The following KDM2A variants were observed in gnomAD, a reference collection of about 807,000 sequenced individuals.
KDM2A encodes lysine-specific demethylase 2A.
KDM2A carries 3 observed loss-of-function variants against 137.3 expected under a neutral mutation model. The observed-to-expected ratio is 0.02, with a 90% CI of 0.01 to 0.06. The LOEUF (loss-of-function observed/expected upper bound fraction) is 0.06. Ranked by LOEUF, KDM2A falls within the 10% of genes least tolerant of loss-of-function variation. KDM2A has a pLI of 1.00. For missense variants in KDM2A, 738 were observed against 1,510.6 expected (o/e 0.49, Z 8.48); for synonymous variants, 512 against 541.5 (o/e 0.95, Z 0.76).
chr11:67,168,674 G>C, intron 2 of KDM2A, among the ~76,000 whole-genome samples: 1 of 145,746 alleles, frequency 6.9e-6, no homozygotes, highest in Non-Finnish European at 1.5e-5. Context: ...CGGTCGGGGG[G>C]ATAGACAGCA....
At chr11:67,124,324 T>TA (rs1388002886) in intron 2 of KDM2A, among the ~76,000 whole-genome samples, 30 of 150,928 alleles carry the variant, frequency 2.0e-4, no homozygotes, top group African/African-American at 7.3e-4. Flanking sequence ...TTTATATATA[T>TA]TTTTTGAAAT....
At position 67,149,744 on chromosome 11, in the gene KDM2A, G is replaced by C. The variant is rs1856341848; in HGVS notation, c.42+28386G>C. 2.2e-5 allele frequency among the ~76,000 whole-genome samples: 3 copies of C among 136,178 alleles called. No homozygotes were observed. In the Admixed American group the frequency reaches 2.2e-4, roughly 10 times the overall value. The allele number at this position is 136,178 out of a possible 152,430, so 89.3% of individuals were successfully genotyped here. On this transcript the variant is annotated intron_variant, in intron 2 of 20. Transcript: ENST00000529006. ...AATCTTTTTTTTTTTTTTTTTGACAGTGTTTTCTCTTTTTTGCCTAGGCTG... is the reference window on the plus strand; with the variant it reads ...AATCTTTTTTTTTTTTTTTTTGACACTGTTTTCTCTTTTTTGCCTAGGCTG...
At chr11:67,226,075 AAAAT>A (rs1258536013) in intron 10 of KDM2A, among the ~76,000 whole-genome samples, 2 of 151,688 alleles carry the variant, frequency 1.3e-5, no homozygotes, top group South Asian at 2.1e-4. Context: ...AAAAAGAGTA[AAAAT>A]AAATAAATAA....
Position 67,255,125 on chromosome 11 carries a change from C to T in KDM2A, c.*70C>T, listed in dbSNP as rs1045751556. 1.2e-5 allele frequency: 17 copies of T among 1,387,358 alleles called. No homozygotes were observed. The African/African-American group carries it at 1.7e-4, about 14-fold the overall frequency. 85.9% of individuals were successfully genotyped at this position (1,387,358 alleles called of 1,614,324 possible). On this transcript the variant is annotated 3_prime_UTR_variant, in exon 21 of 21. Coordinates refer to ENST00000529006, the MANE Select transcript of KDM2A (RefSeq NM_012308.3). ...CTCCCCACCGAGGAGAGCCTCTCCT[C>T]GACCCTGCACGGGCTCTGAGGCCAG... is the stretch of plus-strand genomic sequence containing the variant.
At chr11:67,209,631 A>T (rs893256342) in intron 6 of KDM2A, among the ~76,000 whole-genome samples, 9 of 151,900 alleles carry the variant, frequency 5.9e-5, no homozygotes, top group African/African-American at 2.2e-4. Flanking sequence ...TTTAGTAGAG[A>T]TGGGGTTTCA....
chr11:67,246,726 C>G (rs544484318), intron 15 of KDM2A, among the ~76,000 whole-genome samples: 1 of 152,156 alleles, frequency 6.6e-6, no homozygotes, highest in South Asian at 2.1e-4. Context: ...TAGAAAGTAT[C>G]AGCTAAAATC....
intron 5 of KDM2A, among the ~76,000 whole-genome samples, chr11:67,191,792 C>G (rs1857360758): frequency 6.6e-6 from 1 of 152,180 alleles, no homozygotes. Flanking sequence ...AAGGCGCCTG[C>G]TTTTACTGCC....
intron 2 of KDM2A, among the ~76,000 whole-genome samples, chr11:67,128,233 G>A (rs1442973939): frequency 2.0e-5 from 3 of 151,944 alleles, no homozygotes; most frequent in Admixed American, 2.0e-4. Context: ...GAACTCCTGG[G>A]CTTAAGTGAT....
At chr11:67,221,174 C>T (rs1382438113) in intron 10 of KDM2A, among the ~76,000 whole-genome samples, 3 of 152,114 alleles carry the variant, frequency 2.0e-5, no homozygotes, top group African/African-American at 7.2e-5. Context: ...AGGGCTGAAT[C>T]ATATATGAAA....
chr11:67,192,706 A>G (rs1181685969), intron 5 of KDM2A, among the ~76,000 whole-genome samples: 2 of 151,742 alleles, frequency 1.3e-5, no homozygotes, highest in Admixed American at 1.3e-4. Context: ...TGGCCTCCCA[A>G]AGTGCTAGGA....
At chr11:67,147,824 C>T (rs1038484136) in intron 2 of KDM2A, among the ~76,000 whole-genome samples, 1 of 151,710 alleles carries the variant, frequency 6.6e-6, no homozygotes, top group Non-Finnish European at 1.5e-5. Context: ...ATTACAGGCG[C>T]CTGCCACCAC....
intron 5 of KDM2A, among the ~76,000 whole-genome samples, chr11:67,188,251 G>C (rs1857256195): frequency 6.6e-6 from 1 of 151,940 alleles, no homozygotes; most frequent in African/African-American, 2.4e-5. Flanking sequence ...GGGAGGCCGA[G>C]GCAGGCAGAT....
rs1855549882 is a variant in KDM2A, at chr11:67,119,584, C to T, written c.-549C>T. 6.6e-6 allele frequency: 1 copy of T among 150,478 alleles called. No individual in the cohort carries two copies. The highest frequency in any genetic ancestry group is 6.6e-5 in the Admixed American group (1 of 15,122). 9.3% of individuals were successfully genotyped at this position (150,478 alleles called of 1,614,324 possible). ...CCCCATCCCGGCGCGCCGCGCCGCT[C>T]CCGCCCTGTCCGCCCCCCGGGGCCG... On this transcript the variant is annotated 5_prime_UTR_variant, in exon 1 of 21. Coordinates refer to ENST00000529006, the MANE Select transcript of KDM2A (RefSeq NM_012308.3).
chr11:67,220,466 C>T (rs1009090270), intron 10 of KDM2A, among the ~76,000 whole-genome samples: 1 of 152,128 alleles, frequency 6.6e-6, no homozygotes, highest in African/African-American at 2.4e-5. Flanking sequence ...ACACTGATGA[C>T]TATACTCAAA....
chr11:67,186,770 T>A (rs1857216575), intron 5 of KDM2A, among the ~76,000 whole-genome samples: 1 of 152,140 alleles, frequency 6.6e-6, no homozygotes, highest in African/African-American at 2.4e-5. Flanking sequence ...ATCAATACAT[T>A]TAAAATAATT....
chr11:67,208,772 A>T (rs996807098), intron 6 of KDM2A, among the ~76,000 whole-genome samples: 27 of 150,818 alleles, frequency 1.8e-4, no homozygotes, highest in African/African-American at 6.6e-4. Context: ...CTGTCTCAAA[A>T]AAAAAAAAAA....
At chr11:67,197,678 T>C (rs528967400) in intron 5 of KDM2A, among the ~76,000 whole-genome samples, 1 of 152,216 alleles carries the variant, frequency 6.6e-6, no homozygotes, top group Non-Finnish European at 1.5e-5. Context: ...TGATAGGATG[T>C]ATTTGGTTGA....
At chr11:67,192,163 G>A (rs1303919033) in intron 5 of KDM2A, among the ~76,000 whole-genome samples, 1 of 152,088 alleles carries the variant, frequency 6.6e-6, no homozygotes, top group Non-Finnish European at 1.5e-5. Context: ...GACATCCACT[G>A]TGTACCATTC....
rs746370877 is a variant in KDM2A, at chr11:67,245,419, A to G, written c.1794A>G (p.Gly598=). 1.9e-6 allele frequency: 3 copies of G among 1,613,794 alleles called. No homozygotes were observed. The highest frequency in any genetic ancestry group is 2.7e-5 in the African/African-American group (2 of 74,908). ...CRDMKKFGGP[G]RMKQSCVLRQ... Reference sequence around the variant, plus strand: ...ACATGAAGAAGTTTGGGGGGCCTGGACGCATGAAGCAGTCCTGTGTCCTCC... The same window carrying G: ...ACATGAAGAAGTTTGGGGGGCCTGGGCGCATGAAGCAGTCCTGTGTCCTCC... Residue 598 remains glycine, a synonymous_variant, in exon 14 of 21, where the codon GGA becomes GGG. Coordinates refer to ENST00000529006, the MANE Select transcript of KDM2A (RefSeq NM_012308.3). The surrounding 1 kb of genome is among the most constrained non-coding windows in gnomAD (Gnocchi z 4.1).
Sources: allele counts gnomAD v4.1 joint callset (sites outside exome capture counted in the v4.1 genomes callset), GRCh38; gene constraint gnomAD v4.1.1; non-coding constraint Gnocchi (gnomAD v3.1); transcripts MANE v1.5; gene names NCBI Gene and HGNC (gene_info 2026-07-23, HGNC 2026-07-21).